PALS1: variants seen among roughly 807,000 people sequenced by gnomAD.
PALS1 encodes the protein protein associated with LIN7 1, MAGUK p55 family member, also known as protein PALS1.
In PALS1, 31 loss-of-function variants were observed where a neutral mutation model predicts 78.9. The observed-to-expected ratio is 0.39, with a 90% CI of 0.30 to 0.53. The LOEUF (loss-of-function observed/expected upper bound fraction) is 0.53. Ranked by LOEUF, PALS1 falls within the 20% of genes least tolerant of loss-of-function variation. The pLI, the probability that PALS1 is intolerant of heterozygous loss-of-function variation, is 0.67. For synonymous variants in PALS1, 276 were observed against 270.9 expected (o/e 1.02, Z -0.18); for missense variants, 704 against 826.5 (o/e 0.85, Z 1.82).
intron 1 of PALS1, among the ~76,000 whole-genome samples, chr14:67,243,907 T>C (rs10145586): frequency 0.15 from 23,507 of 152,204 alleles, 3,438 homozygotes; most frequent in East Asian, 0.42. Context: ...AAAGTGAGGC[T>C]TGCAGGAGTT....
chr14:67,296,585 CAAAA>C (rs374329692), intron 4 of PALS1, among the ~76,000 whole-genome samples: 2 of 51,000 alleles, frequency 3.9e-5, no homozygotes, highest in South Asian at 4.8e-4. Context: ...AACTCTGTCT[CAAAA>C]AAAAAAAAAA....
chr14:67,274,840 C>G (rs2084472890), intron 2 of PALS1, among the ~76,000 whole-genome samples: 1 of 152,132 alleles, frequency 6.6e-6, no homozygotes, highest in African/African-American at 2.4e-5. Flanking sequence ...TCCTTCACAT[C>G]CCTTGTAAGT....
At chr14:67,305,076 T>C (rs2084981278) in intron 8 of PALS1, among the ~76,000 whole-genome samples, 1 of 152,220 alleles carries the variant, frequency 6.6e-6, no homozygotes, top group South Asian at 2.1e-4. Context: ...ATAGTTTGTC[T>C]TTGAATTTAA....
chr14:67,326,418 G>A (rs961333609), intron 14 of PALS1, among the ~76,000 whole-genome samples: 1 of 151,100 alleles, frequency 6.6e-6, no homozygotes, highest in Non-Finnish European at 1.5e-5. Flanking sequence ...GTACCAAAAT[G>A]TTTTAACAAT....
At chr14:67,244,541 CAGAG>C (rs763670028) in intron 1 of PALS1, among the ~76,000 whole-genome samples, 13 of 152,324 alleles carry the variant, frequency 8.5e-5, no homozygotes, top group East Asian at 5.8e-4. Flanking sequence ...AATTCCAACT[CAGAG>C]AGCTGTGCAA....
chr14:67,328,753 C>G (rs4058266), intron 14 of PALS1, among the ~76,000 whole-genome samples: 23,582 of 152,096 alleles, frequency 0.16, 3,451 homozygotes, highest in East Asian at 0.42. Context: ...CCCATTTCTT[C>G]TTTTTGTCAG....
At chr14:67,313,479 G>GT (rs2085124179) in intron 9 of PALS1, among the ~76,000 whole-genome samples, 1 of 152,132 alleles carries the variant, frequency 6.6e-6, no homozygotes, top group Non-Finnish European at 1.5e-5. Flanking sequence ...TTGTTATGCA[G>GT]TGCATGACTG....
rs972912592 is a variant in PALS1, at chr14:67,301,736, G to C, written c.655-236G>C. ...ATTTTCTGTAAGTTTAATTATCTAG[G>C]GTGTGTAGACCTTTACATTGATGTT... On this transcript the variant is annotated intron_variant, in intron 5 of 14. Transcript: ENST00000261681. Among the ~76,000 whole-genome samples, 4 of 151,920 alleles carry C rather than the reference G, an allele frequency of 2.6e-5. No homozygotes were observed. The East Asian group carries it at 5.8e-4, about 22-fold the overall frequency.
chr14:67,244,358 C>T (rs1567495166), intron 1 of PALS1, among the ~76,000 whole-genome samples: 1 of 152,228 alleles, frequency 6.6e-6, no homozygotes, highest in Non-Finnish European at 1.5e-5. Context: ...TAATCATTTA[C>T]ATTCCTGCAA....
At chr14:67,313,379 G>A (rs953989349) in intron 9 of PALS1, among the ~76,000 whole-genome samples, 3 of 152,190 alleles carry the variant, frequency 2.0e-5, no homozygotes, top group Admixed American at 6.5e-5. Context: ...CACAAACCTA[G>A]ATGATATAGC....
chr14:67,271,383 C>G (rs923627178), intron 2 of PALS1: 3 of 152,142 alleles, frequency 2.0e-5, no homozygotes, highest in African/African-American at 4.8e-5. Context: ...TATTCTGAAG[C>G]CTTCTGTTGT....
In PALS1 at chr14:67,254,932, C is replaced by T. The variant is rs150405090; in HGVS notation, c.-237+13399C>T. Among the ~76,000 whole-genome samples, 994 of 152,276 alleles carry T rather than the reference C, an allele frequency of 6.5e-3. 8 individuals carry two copies. The highest frequency in any genetic ancestry group is 8.0e-3 in the Non-Finnish European group (547 of 68,016). ...TTGGGAGGCCAAGGCGGGCAGATCA[C>T]GAGGTCAAGAGATTGAGACCATCCT... On this transcript the variant is annotated intron_variant, in intron 1 of 14. Coordinates refer to ENST00000261681, the MANE Select transcript of PALS1 (RefSeq NM_022474.4).
intron 1 of PALS1, among the ~76,000 whole-genome samples, chr14:67,253,834 G>A (rs1429061190): frequency 2.7e-5 from 4 of 148,226 alleles, no homozygotes; most frequent in African/African-American, 1.0e-4. Context: ...GTGAGACCCT[G>A]TCTCAAAAAG....
At position 67,301,438 on chromosome 14, in the gene PALS1, C is replaced by G; in HGVS notation, c.626C>G (p.Thr209Ser). The G allele has an allele frequency of 2.5e-6, 4 of 1,610,442 alleles. No homozygotes were observed. Among genetic ancestry groups the G allele is most frequent in the Non-Finnish European group, 3.4e-6 (4 of 1,177,800 alleles). Reference protein sequence around the residue: ...PVHHKEGQELTALLNTPHIQA... With the variant: ...PVHHKEGQELSALLNTPHIQA... ...CATCATAAGGAAGGACAAGAACTAA[C>G]TGCTTTGCTGAATACTCCACATATT... Residue 209 changes from threonine (T) to serine (S), a missense_variant, in exon 5 of 15, where the codon ACT becomes AGT. Transcript: ENST00000261681.
intron 1 of PALS1, among the ~76,000 whole-genome samples, chr14:67,266,900 A>G (rs1227677224): frequency 6.6e-6 from 1 of 151,956 alleles, no homozygotes; most frequent in Non-Finnish European, 1.5e-5. Context: ...ACTTGAGCCT[A>G]GGAGTTCGAC....
At chr14:67,316,611 T>C (rs535250081) in intron 9 of PALS1, among the ~76,000 whole-genome samples, 11 of 152,318 alleles carry the variant, frequency 7.2e-5, no homozygotes, top group Middle Eastern at 3.4e-3. Context: ...GTAGATGATA[T>C]GTATTCTAAT....
chr14:67,250,553 T>C (rs983513730), intron 1 of PALS1, among the ~76,000 whole-genome samples: 30 of 152,202 alleles, frequency 2.0e-4, no homozygotes, highest in African/African-American at 7.2e-4. Flanking sequence ...ACAGATTGTT[T>C]TGTGATTCTG....
At chr14:67,274,862 G>A (rs1356266894) in intron 2 of PALS1, among the ~76,000 whole-genome samples, 1 of 152,056 alleles carries the variant, frequency 6.6e-6, no homozygotes, top group African/African-American at 2.4e-5. Context: ...GGATTCCTAG[G>A]TATTTTATTC....
intron 4 of PALS1, among the ~76,000 whole-genome samples, 160 bp from the exon 5 acceptor site, chr14:67,301,226 CATA>C (rs2084929096): frequency 6.6e-6 from 1 of 151,758 alleles, no homozygotes; most frequent in East Asian, 1.9e-4. Context: ...TTGTTTTATC[CATA>C]ATAACAAGAT....
Sources: allele counts gnomAD v4.1 joint callset (sites outside exome capture counted in the v4.1 genomes callset), GRCh38; gene constraint gnomAD v4.1.1; transcripts MANE v1.5; gene names NCBI Gene and HGNC (gene_info 2026-07-23, HGNC 2026-07-21).